Variants in SNX31 observed in about 807,000 individuals in gnomAD.
SNX31 encodes the protein sorting nexin 31.
A neutral mutation model predicts 65.4 loss-of-function variants in SNX31; 58 were observed. The observed-to-expected ratio is 0.89, with a 90% CI of 0.72 to 1.10. SNX31 has a LOEUF of 1.10. Among genes scored for constraint, SNX31 ranks in the 50% least tolerant of loss-of-function variants. The pLI is 0.00. For synonymous variants in SNX31, 181 were observed against 190.1 expected, an observed-to-expected ratio of 0.95 and a Z score of 0.39; for missense variants, 523 against 529.7, an observed-to-expected ratio of 0.99 and a Z score of 0.12.
chr8:100,628,700 CTG>C (rs1818218226), intron 4 of SNX31, among the ~76,000 whole-genome samples: 1 of 151,854 alleles, frequency 6.6e-6, no homozygotes, highest in South Asian at 2.1e-4. Flanking sequence ...TGTAACAAAC[CTG>C]CATATTGTGC....
At chr8:100,634,739 ACTCTGTCT>A (rs1440826371) in intron 3 of SNX31, among the ~76,000 whole-genome samples, 2 of 142,390 alleles carry the variant, frequency 1.4e-5, no homozygotes, top group Non-Finnish European at 3.0e-5. Flanking sequence ...ACAGAGCGAG[ACTCTGTCT>A]CTCTGTCTTA....
upstream of SNX31, among the ~76,000 whole-genome samples, chr8:100,650,795 T>C (rs2131308496): frequency 6.6e-6 from 1 of 152,288 alleles, no homozygotes; most frequent in South Asian, 2.1e-4. Context: ...ATGTCCCAGC[T>C]TAGTGGCTTC....
At chr8:100,591,364 C>T (rs920645526) in intron 10 of SNX31, among the ~76,000 whole-genome samples, 24 of 152,088 alleles carry the variant, frequency 1.6e-4, no homozygotes, top group Non-Finnish European at 3.2e-4. Flanking sequence ...GGGCAGGCGC[C>T]TGTAGTCGTA....
At chr8:100,645,494 T>A (rs539498789) in intron 2 of SNX31, among the ~76,000 whole-genome samples, 1 of 151,932 alleles carries the variant, frequency 6.6e-6, no homozygotes, top group African/African-American at 2.4e-5. Flanking sequence ...AAGTGGTGCA[T>A]GGGGCATACT....
intron 1 of SNX31, among the ~76,000 whole-genome samples, chr8:100,655,938 G>GT (rs758745628): frequency 3.3e-5 from 5 of 152,186 alleles, no homozygotes; most frequent in Non-Finnish European, 7.3e-5. Context: ...CAGCAAGGAA[G>GT]TTTTTTGAGA....
rs1817801677 is a variant in SNX31 at position 100,622,920 on chromosome 8, C to T, written c.322-5190G>A. Reference sequence around the variant, plus strand: ...AGGGAGGTAAGAGGTTAAAGCGCCACCCAACCTGCTGCCATTGGCCAGGAT... The same window carrying T: ...AGGGAGGTAAGAGGTTAAAGCGCCATCCAACCTGCTGCCATTGGCCAGGAT... On this transcript the variant is annotated intron_variant, in intron 4 of 13. Coordinates refer to ENST00000311812, the MANE Select transcript of SNX31 (RefSeq NM_152628.4). This position sits in a 1 kb window ranked among gnomAD's most constrained non-coding sequence, Gnocchi z 5.0. Among the ~76,000 whole-genome samples, 1 of 152,158 alleles carries T rather than the reference C, an allele frequency of 6.6e-6. No individual in the cohort carries two copies. Among genetic ancestry groups the T allele is most frequent in the African/African-American group, 2.4e-5 (1 of 41,432 alleles).
chr8:100,634,756 T>TAAAAAAAAAAAAAA (rs548613299), intron 3 of SNX31, among the ~76,000 whole-genome samples: 95 of 141,610 alleles, frequency 6.7e-4, no homozygotes, highest in East Asian at 3.1e-3. Flanking sequence ...CTCTCTGTCT[T>TAAAAAAAAAAAAAA]AAAAAAAAAA....
rs1003637321 is a variant in SNX31, at chr8:100,578,068, A to G, written c.1171-993T>C. On this transcript the variant is annotated intron_variant, in intron 12 of 13. Coordinates refer to ENST00000311812, the MANE Select transcript of SNX31 (RefSeq NM_152628.4). This position sits in a 1 kb window ranked among gnomAD's most constrained non-coding sequence, Gnocchi z 4.7. ...TATGAATTTGCATTAGGCCACATTC[A>G]GACATGTCCTGGGCTGCATGCAGCC... Among the ~76,000 whole-genome samples the G allele has an allele frequency of 6.6e-6, 1 of 151,622 alleles. No individual in the cohort carries two copies. Among genetic ancestry groups the G allele is most frequent in the Middle Eastern group, 3.2e-3 (1 of 316 alleles).
In SNX31 at chr8:100,576,261, C is replaced by T. The variant is rs1272038300; in HGVS notation, c.1227+758G>A. ...TATACTAAGGATGTTTACATACACACCAGTTCTGTGACAGGTGCTGGATCA... is the reference window on the plus strand; with the variant it reads ...TATACTAAGGATGTTTACATACACATCAGTTCTGTGACAGGTGCTGGATCA... On this transcript the variant is annotated intron_variant, in intron 13 of 13. Transcript: ENST00000311812. This position sits in a 1 kb window ranked among gnomAD's most constrained non-coding sequence, Gnocchi z 4.8. Among the ~76,000 whole-genome samples the T allele has an allele frequency of 6.6e-6, 1 of 152,190 alleles. No individual in the cohort carries two copies. The highest frequency in any genetic ancestry group is 2.4e-5 in the African/African-American group (1 of 41,450).
At chr8:100,649,408 G>C in intron 1 of SNX31, 41 bp downstream of exon 1, 3 of 1,597,338 alleles carry the variant, frequency 1.9e-6, no homozygotes, top group Non-Finnish European at 2.6e-6. Flanking sequence ...CATTGCCACC[G>C]GCCCCCTCCC....
intron 2 of SNX31, among the ~76,000 whole-genome samples, chr8:100,645,146 G>T (rs79577116): frequency 6.6e-6 from 1 of 152,174 alleles, no homozygotes; most frequent in Non-Finnish European, 1.5e-5. Flanking sequence ...AACAGAATGC[G>T]TGGCATATAA....
chr8:100,614,531 A>G lies in SNX31; in HGVS notation c.433-1446T>C, dbSNP rs1051080234. ...AATGATGATTCAAAACACGAACGCC[A>G]TCACTAGCACCACAGTAGTCCTAGA... On this transcript the variant is annotated intron_variant, in intron 5 of 13. Transcript: ENST00000311812. This position sits in a 1 kb window ranked among gnomAD's most constrained non-coding sequence, Gnocchi z 5.1. Among the ~76,000 whole-genome samples, 9 of 152,212 alleles carry G rather than the reference A, an allele frequency of 5.9e-5. No individual in the cohort carries two copies. The highest frequency in any genetic ancestry group is 2.2e-4 in the African/African-American group (9 of 41,450).
At chr8:100,597,525 G>C (rs1015001302) in intron 9 of SNX31, among the ~76,000 whole-genome samples, 1 of 152,264 alleles carries the variant, frequency 6.6e-6, no homozygotes, top group African/African-American at 2.4e-5. Context: ...TTACAGACGT[G>C]AGCCACTGTG....
rs916348286 is a variant in SNX31, at chr8:100,630,465, A to G, written c.257-74T>C. ...CTGCCTATTAATTGCTATGTCCTCC[A>G]GAGATCCCTCCATGCCTTGCCAGTG... On this transcript the variant is annotated intron_variant, in intron 3 of 13. Transcript: ENST00000311812. The surrounding 1 kb of genome is among the most constrained non-coding windows in gnomAD (Gnocchi z 5.3). The G allele has an allele frequency of 3.9e-6, 5 of 1,278,228 alleles. No homozygotes were observed. The highest frequency in any genetic ancestry group is 2.2e-5 in the Admixed American group (1 of 45,128). 79.2% of individuals were successfully genotyped at this position (1,278,228 alleles called of 1,614,324 possible).
intron 2 of SNX31, among the ~76,000 whole-genome samples, chr8:100,646,499 C>G (rs1402149262): frequency 2.0e-5 from 3 of 152,318 alleles, no homozygotes; most frequent in Middle Eastern, 3.4e-3. Context: ...TCAGAGAAAG[C>G]CTGGCTGCAT....
At chr8:100,617,555 C>T (rs895031599) in intron 5 of SNX31, 65 bp downstream of exon 5, 1 of 1,152,712 alleles carries the variant, frequency 8.7e-7, no homozygotes, top group Admixed American at 1.9e-5. Context: ...GTATCCCATT[C>T]TCTGCTTTCC....
intron 1 of SNX31, among the ~76,000 whole-genome samples, chr8:100,658,255 G>T (rs1820083292): frequency 6.6e-6 from 1 of 152,200 alleles, no homozygotes; most frequent in Non-Finnish European, 1.5e-5. Context: ...TGCTGTCTAG[G>T]AGATGGAGGC....
rs1205229123 is a variant in SNX31, at chr8:100,573,579, CTT to C, written c.*284_*285del. The stretch of plus-strand genomic sequence containing the variant: ...TATATGAGTTGATTTGAATTTGCCA[CTT>C]GTCATTTATGAGACATTAAAAACAA... On this transcript the variant is annotated 3_prime_UTR_variant, in exon 14 of 14. Coordinates refer to ENST00000311812, the MANE Select transcript of SNX31 (RefSeq NM_152628.4). 1.1e-4 allele frequency: 27 copies of C among 235,414 alleles called. 1 individual carries two copies. The East Asian group carries it at 2.2e-3, about 19-fold the overall frequency. 14.6% of individuals were successfully genotyped at this position (235,414 alleles called of 1,614,324 possible). A position where few individuals can be genotyped will look rare whatever the true frequency, so the allele number is the denominator to read the frequency against.
At chr8:100,586,307 C>T (rs1033551467) in intron 11 of SNX31, among the ~76,000 whole-genome samples, 1 of 152,200 alleles carries the variant, frequency 6.6e-6, no homozygotes, top group African/African-American at 2.4e-5. Context: ...GTCACATTTC[C>T]ACCTTTTACA....
Sources: allele counts gnomAD v4.1 joint callset (sites outside exome capture counted in the v4.1 genomes callset), GRCh38; gene constraint gnomAD v4.1.1; non-coding constraint Gnocchi (gnomAD v3.1); transcripts MANE v1.5; gene names NCBI Gene and HGNC (gene_info 2026-07-23, HGNC 2026-07-21).